The following AK5 variants were observed in gnomAD, a reference collection of about 807,000 sequenced individuals.
AK5 encodes the protein adenylate kinase 5.
AK5 carries 27 observed loss-of-function variants against 69.5 expected under a neutral mutation model. The observed-to-expected ratio is 0.39, with a 90% CI of 0.29 to 0.54. The LOEUF (loss-of-function observed/expected upper bound fraction) is 0.54, where lower values mean the gene tolerates loss of function less well. Among genes scored for constraint, AK5 ranks in the 20% least tolerant of loss-of-function variants. AK5 has a pLI of 0.71. For synonymous variants in AK5, 260 were observed against 244.4 expected, an observed-to-expected ratio of 1.06 and a Z score of -0.60; for missense variants, 531 against 700.4, an observed-to-expected ratio of 0.76 and a Z score of 2.73.
intron 8 of AK5, among the ~76,000 whole-genome samples, chr1:77,457,129 C>T (rs776859128): frequency 2.0e-5 from 3 of 152,154 alleles, no homozygotes; most frequent in Non-Finnish European, 2.9e-5. Context: ...GTCCCCTATC[C>T]TTGTGACCTG....
chr1:77,436,334 A>C (rs1311900439), intron 8 of AK5, among the ~76,000 whole-genome samples: 1 of 151,940 alleles, frequency 6.6e-6, no homozygotes, highest in Non-Finnish European at 1.5e-5. Context: ...TTGTATACAG[A>C]ATTATATATG....
intron 2 of AK5, among the ~76,000 whole-genome samples, chr1:77,291,983 G>C (rs1658713139): frequency 6.6e-6 from 1 of 152,108 alleles, no homozygotes; most frequent in African/African-American, 2.4e-5. Flanking sequence ...GAGCAACAGG[G>C]GAAGAACATT....
chr1:77,325,587 C>T (rs1490048777), intron 5 of AK5, among the ~76,000 whole-genome samples: 3 of 152,122 alleles, frequency 2.0e-5, no homozygotes, highest in Non-Finnish European at 4.4e-5. Flanking sequence ...CCTCAAGGCC[C>T]TCTTCTCTAC....
At chr1:77,426,007 A>G (rs1237597203) in intron 8 of AK5, among the ~76,000 whole-genome samples, 1 of 152,232 alleles carries the variant, frequency 6.6e-6, no homozygotes, top group Non-Finnish European at 1.5e-5. Context: ...GGAGAGAAAA[A>G]GACTCATAAT....
chr1:77,349,750 A>G (rs1012276906), intron 6 of AK5, among the ~76,000 whole-genome samples: 1 of 152,214 alleles, frequency 6.6e-6, no homozygotes, highest in African/African-American at 2.4e-5. Flanking sequence ...CAAATGGCCA[A>G]TTGTTGGACC....
At chr1:77,517,376 G>A (rs1657714372) in intron 10 of AK5, among the ~76,000 whole-genome samples, 1 of 152,202 alleles carries the variant, frequency 6.6e-6, no homozygotes, top group Non-Finnish European at 1.5e-5. Flanking sequence ...CAATGGGGAG[G>A]AGAGAAGGGA....
chr1:77,319,463 G>A (rs751943008), intron 5 of AK5, among the ~76,000 whole-genome samples: 2 of 152,178 alleles, frequency 1.3e-5, no homozygotes, highest in Non-Finnish European at 2.9e-5. Context: ...TCATGGCTCT[G>A]CAAGGCACTG....
At chr1:77,338,477 A>T (rs1020746453) in intron 5 of AK5, among the ~76,000 whole-genome samples, 1 of 152,240 alleles carries the variant, frequency 6.6e-6, no homozygotes, top group Non-Finnish European at 1.5e-5. Context: ...CACAGGTAAC[A>T]TTCAGATGTA....
chr1:77,452,791 A>C (rs1653236935), intron 8 of AK5, among the ~76,000 whole-genome samples: 2 of 152,214 alleles, frequency 1.3e-5, no homozygotes, highest in Admixed American at 6.5e-5. Context: ...TATTCAAAAC[A>C]TCCAAGAGTT....
chr1:77,554,090 T>A (rs1170086688), intron 13 of AK5, among the ~76,000 whole-genome samples: 2 of 152,340 alleles, frequency 1.3e-5, no homozygotes, highest in South Asian at 4.1e-4. Flanking sequence ...ATATAAAATG[T>A]CCTGAGTAGG....
At chr1:77,441,088 G>A (rs1165225944) in intron 8 of AK5, among the ~76,000 whole-genome samples, 1 of 152,050 alleles carries the variant, frequency 6.6e-6, no homozygotes, top group Non-Finnish European at 1.5e-5. Context: ...TGCTTTTTCA[G>A]CTCTCTATTG....
intron 6 of AK5, among the ~76,000 whole-genome samples, chr1:77,387,540 G>A (rs1036567695): frequency 1.3e-5 from 2 of 152,166 alleles, no homozygotes; most frequent in Admixed American, 6.5e-5. Context: ...GAGCATCTTC[G>A]TGACATAAAT....
intron 6 of AK5, among the ~76,000 whole-genome samples, chr1:77,360,908 T>G (rs2100437227): frequency 6.6e-6 from 1 of 152,296 alleles, no homozygotes; most frequent in Middle Eastern, 3.4e-3. Flanking sequence ...TGGGGAAAAC[T>G]TGCTCATAGG....
At chr1:77,532,140 TC>T in intron 12 of AK5, 1 of 155,498 alleles carries the variant, frequency 6.4e-6, no homozygotes. Flanking sequence ...GGAAGCCGGC[TC>T]CGGCCTTGGG....
chr1:77,398,708 G>A (rs138132955), intron 6 of AK5, among the ~76,000 whole-genome samples: 28 of 151,874 alleles, frequency 1.8e-4, no homozygotes, highest in African/African-American at 6.5e-4. Context: ...TCCCTTTAAC[G>A]CTTTCTTTAC....
intron 10 of AK5, among the ~76,000 whole-genome samples, chr1:77,504,738 A>C (rs1656931353): frequency 6.6e-6 from 1 of 152,174 alleles, no homozygotes; most frequent in South Asian, 2.1e-4. Context: ...CCTCCTCATC[A>C]CTACTCCCTG....
At chr1:77,430,239 A>G (rs1651546232) in intron 8 of AK5, among the ~76,000 whole-genome samples, 1 of 152,118 alleles carries the variant, frequency 6.6e-6, no homozygotes, top group South Asian at 2.1e-4. Context: ...GGACAGAGAG[A>G]AAGAGGTGTA....
In AK5 at chr1:77,558,674, C is replaced by G. The variant is rs1557674305; in HGVS notation, c.*4C>G. On this transcript the variant is annotated 3_prime_UTR_variant, in exon 14 of 14. Coordinates refer to ENST00000354567, the MANE Select transcript of AK5 (RefSeq NM_174858.3). Reference sequence around the variant, plus strand: ...AGCTATTGACTCTATTTTCTGAAGGCAAAAATGCATGTTTGTTAGAATGGA... The same window carrying G: ...AGCTATTGACTCTATTTTCTGAAGGGAAAAATGCATGTTTGTTAGAATGGA... 1 of 1,551,498 alleles carries G rather than the reference C, an allele frequency of 6.4e-7. No homozygotes were observed. The highest frequency in any genetic ancestry group is 8.9e-7 in the Non-Finnish European group (1 of 1,125,320).
chr1:77,390,920 T>C (rs77162561), intron 6 of AK5, among the ~76,000 whole-genome samples: 12,855 of 152,238 alleles, frequency 0.084, 725 homozygotes, highest in South Asian at 0.17. Flanking sequence ...TGTCTGTGTA[T>C]TTTAAGGAAG....
Sources: allele counts gnomAD v4.1 joint callset (sites outside exome capture counted in the v4.1 genomes callset), GRCh38; gene constraint gnomAD v4.1.1; transcripts MANE v1.5; gene names NCBI Gene and HGNC (gene_info 2026-07-23, HGNC 2026-07-21).